PCDH11Y: variants seen among roughly 807,000 people sequenced by gnomAD.
PCDH11Y encodes the protein protocadherin-11 Y-linked.
For synonymous variants in PCDH11Y, 9 were observed against 83.6 expected (o/e 0.11, Z 4.87); for missense variants, 12 against 224.8 (o/e 0.05, Z 6.05).
chrY:5,485,685 T>C (rs2053330802), intron 2 of PCDH11Y, among the ~76,000 whole-genome samples: 233 of 30,928 alleles, frequency 7.5e-3, no homozygotes, highest in African/African-American at 0.027. Context: ...CTTTATGTTG[T>C]TTTTATTGCA....
At chrY:5,491,790 G>A in intron 2 of PCDH11Y, among the ~76,000 whole-genome samples, 2 of 29,739 alleles carry the variant, frequency 6.7e-5, no homozygotes, top group East Asian at 8.8e-4. Context: ...CAGTGCCCAC[G>A]CTGGCACCTG....
chrY:5,148,041 C>T, intron 2 of PCDH11Y, among the ~76,000 whole-genome samples: 1 of 33,625 alleles, frequency 3.0e-5, no homozygotes, highest in African/African-American at 1.2e-4. Flanking sequence ...AATACACGCA[C>T]ACACACACAA....
intron 2 of PCDH11Y, among the ~76,000 whole-genome samples, chrY:5,424,899 A>T: frequency 6.1e-4 from 19 of 30,896 alleles, no homozygotes; most frequent in Non-Finnish European, 1.2e-3. Context: ...CTGGTCTCGA[A>T]CTCCTGACCT....
chrY:5,199,508 C>A (rs1602885269), intron 2 of PCDH11Y, among the ~76,000 whole-genome samples: 15 of 32,106 alleles, frequency 4.7e-4, no homozygotes, highest in African/African-American at 1.8e-3. Flanking sequence ...GCTGGTCTCT[C>A]ACTCCTGAAC....
At chrY:5,194,296 G>A in intron 2 of PCDH11Y, among the ~76,000 whole-genome samples, 1 of 29,606 alleles carries the variant, frequency 3.4e-5, no homozygotes, top group Non-Finnish European at 8.0e-5. Flanking sequence ...TTACCAGGGC[G>A]TGGTGGTATG....
chrY:5,516,446 G>A, intron 3 of PCDH11Y, among the ~76,000 whole-genome samples: 3 of 32,670 alleles, frequency 9.2e-5, no homozygotes, highest in Non-Finnish European at 2.2e-4. Context: ...AATACAAGAA[G>A]CTCATCTTAA....
downstream of PCDH11Y, among the ~76,000 whole-genome samples, chrY:5,108,486 G>A (rs1602868836): frequency 3.0e-5 from 1 of 32,886 alleles, no homozygotes. Context: ...GGTGGCTTAT[G>A]CCTGTAATCC....
upstream of PCDH11Y, among the ~76,000 whole-genome samples, chrY:5,052,772 T>C: frequency 7.7e-5 from 2 of 26,103 alleles, no homozygotes; most frequent in Non-Finnish European, 1.8e-4. Flanking sequence ...CATTAATCTA[T>C]AGTAGGAGTG....
At chrY:5,390,877 TAAACTTAGG>T (rs2053220576) in intron 2 of PCDH11Y, among the ~76,000 whole-genome samples, 1 of 33,235 alleles carries the variant, frequency 3.0e-5, no homozygotes, top group African/African-American at 1.2e-4. Context: ...TTCTATTGTG[TAAACTTAGG>T]AAAAATCAGT....
chrY:5,575,575 A>G (rs1602945409), intron 3 of PCDH11Y, among the ~76,000 whole-genome samples: 8 of 33,474 alleles, frequency 2.4e-4, no homozygotes, highest in African/African-American at 5.8e-4. Flanking sequence ...AAAAGTTTTG[A>G]AATTTTTTAT....
chrY:5,283,470 G>A (rs2053056646), intron 2 of PCDH11Y, among the ~76,000 whole-genome samples: 1 of 31,925 alleles, frequency 3.1e-5, no homozygotes, highest in Admixed American at 3.0e-4. Context: ...TGTGGTTCAA[G>A]GTGCATAGAT....
intron 3 of PCDH11Y, among the ~76,000 whole-genome samples, chrY:5,050,850 A>G (rs2052650482): frequency 3.1e-5 from 1 of 32,078 alleles, no homozygotes; most frequent in East Asian, 8.2e-4. Context: ...ACAAATATAT[A>G]TATTACACAC....
chrY:5,179,613 C>G, intron 2 of PCDH11Y, among the ~76,000 whole-genome samples: 1 of 33,816 alleles, frequency 3.0e-5, no homozygotes, highest in Non-Finnish European at 7.3e-5. Context: ...TGTGCAGAAG[C>G]TCTTTCGTTT....
chrY:5,362,258 A>G (rs2053175192), intron 2 of PCDH11Y, among the ~76,000 whole-genome samples: 6 of 31,150 alleles, frequency 1.9e-4, no homozygotes, highest in African/African-American at 7.5e-4. Flanking sequence ...GTTAAAAGTC[A>G]CCCCCAATCC....
intron 3 of PCDH11Y, among the ~76,000 whole-genome samples, chrY:5,545,143 G>A: frequency 3.2e-5 from 1 of 31,413 alleles, no homozygotes; most frequent in East Asian, 8.2e-4. Context: ...CCTCAGAAAC[G>A]CACCACCCAA....
chrY:5,339,442 C>A, intron 2 of PCDH11Y, among the ~76,000 whole-genome samples: 1 of 32,014 alleles, frequency 3.1e-5, no homozygotes, highest in Admixed American at 2.9e-4. Context: ...ACCTCTGCCT[C>A]CCGGGTTCAA....
intron 3 of PCDH11Y, among the ~76,000 whole-genome samples, chrY:5,046,094 A>T: frequency 2.9e-5 from 1 of 33,958 alleles, no homozygotes; most frequent in Non-Finnish European, 7.4e-5. Context: ...GATCGTCTGA[A>T]GCCTTCTTCT....
chrY:5,425,877 AT>A (rs2053262816), intron 2 of PCDH11Y, among the ~76,000 whole-genome samples: 292 of 31,424 alleles, frequency 9.3e-3, no homozygotes, highest in African/African-American at 0.033. Flanking sequence ...AAATGTTTGC[AT>A]TTTTTTTTTC....
chrY:5,455,472 G>A (rs2053297399), intron 2 of PCDH11Y, among the ~76,000 whole-genome samples: 2 of 33,244 alleles, frequency 6.0e-5, no homozygotes, highest in Non-Finnish European at 1.5e-4. Flanking sequence ...CACATTTTCA[G>A]GTAGCTTTAT....
Sources: gnomAD v4.1 joint callset for allele counts (sites outside exome capture counted in the v4.1 genomes callset) on GRCh38, gnomAD v4.1.1 for gene constraint, MANE v1.5 for transcripts, NCBI Gene and HGNC (gene_info 2026-07-23, HGNC 2026-07-21) for gene names.